The following CLASP2 variants were observed in gnomAD, a reference collection of about 807,000 sequenced individuals.
The protein encoded by CLASP2 is cytoplasmic linker associated protein 2, also known as CLIP-associating protein 2.
Under a neutral mutation model 194.4 loss-of-function variants are expected in CLASP2, and 47 were observed. The ratio of observed to expected loss-of-function variants is 0.24; its 90% CI spans 0.19 to 0.31. CLASP2 has a LOEUF of 0.31. Among genes scored for constraint, CLASP2 ranks in the 10% least tolerant of loss-of-function variants. The pLI is 1.00. For synonymous variants in CLASP2, 619 were observed against 633.5 expected, an observed-to-expected ratio of 0.98 and a Z score of 0.34; for missense variants, 1,445 against 1,823.6, an observed-to-expected ratio of 0.79 and a Z score of 3.78.
chr3:33,607,753 T>C (rs2074218697), intron 14 of CLASP2, among the ~76,000 whole-genome samples: 1 of 152,150 alleles, frequency 6.6e-6, no homozygotes, highest in South Asian at 2.1e-4. Context: ...ATTTTTAATT[T>C]TTAATAAATT....
At chr3:33,695,905 C>T (rs1401596919) in intron 2 of CLASP2, among the ~76,000 whole-genome samples, 1 of 152,162 alleles carries the variant, frequency 6.6e-6, no homozygotes, top group Admixed American at 6.5e-5. Flanking sequence ...ACATGAAGGT[C>T]ATTTGGGTTT....
chr3:33,717,769 G>T, intron 1 of CLASP2, 39 bp downstream of exon 1: 4 of 1,544,094 alleles, frequency 2.6e-6, no homozygotes, highest in Non-Finnish European at 3.5e-6. Flanking sequence ...GGGCTGCCGC[G>T]GAGGGCGTGA....
chr3:33,542,304 T>C (rs2058487040), intron 32 of CLASP2, among the ~76,000 whole-genome samples: 1 of 149,218 alleles, frequency 6.7e-6, no homozygotes, highest in Non-Finnish European at 1.5e-5. Context: ...ACTATTTACT[T>C]ATTATATATG....
At chr3:33,537,846 C>G (rs374323925) in intron 33 of CLASP2, among the ~76,000 whole-genome samples, 1 of 152,064 alleles carries the variant, frequency 6.6e-6, no homozygotes, top group Non-Finnish European at 1.5e-5. Context: ...TGTGTTCTTA[C>G]AAGACTCAAT....
At chr3:33,598,808 C>G (rs1461056582) in intron 18 of CLASP2, among the ~76,000 whole-genome samples, 1 of 152,148 alleles carries the variant, frequency 6.6e-6, no homozygotes, top group African/African-American at 2.4e-5. Flanking sequence ...TCCATAAACT[C>G]AATTGTTAGA....
chr3:33,573,087 C>A, intron 25 of CLASP2, 23 bp downstream of exon 25: 1 of 1,611,480 alleles, frequency 6.2e-7, no homozygotes, highest in East Asian at 2.2e-5. Context: ...ATAGTAAAAT[C>A]ATTTTAAGAC....
intron 1 of CLASP2, among the ~76,000 whole-genome samples, chr3:33,713,862 T>C (rs761888599): frequency 3.9e-5 from 6 of 152,120 alleles, no homozygotes; most frequent in Non-Finnish European, 8.8e-5. Context: ...TACTCTATGG[T>C]TGCAGATGAA....
intron 20 of CLASP2, chr3:33,592,708 A>G: frequency 1.7e-6 from 1 of 604,978 alleles, no homozygotes. Context: ...GGATAAGAAG[A>G]ATCAAACTAA....
chr3:33,509,779 C>A (rs1219347634), intron 37 of CLASP2, among the ~76,000 whole-genome samples: 3 of 152,070 alleles, frequency 2.0e-5, no homozygotes. Context: ...TTATAAAACA[C>A]ATCTCATTTT....
In CLASP2 at chr3:33,675,884, A is replaced by C. The variant is rs2088508473; in HGVS notation, c.644+8475T>G. Among the ~76,000 whole-genome samples the C allele has an allele frequency of 2.0e-5, 3 of 150,006 alleles. 1 individual carries two copies. In the Admixed American group the frequency reaches 2.0e-4, roughly 10 times the overall value. ...AGGAATCCACCTTACAAGGGACGTG[A>C]AGGACCTCTTCAAGGAGAACTACAA... On this transcript the variant is annotated intron_variant, in intron 6 of 38. Coordinates refer to ENST00000682230, the MANE Select transcript of CLASP2 (RefSeq NM_001365631.1).
chr3:33,685,377 G>C (rs2090524520), intron 5 of CLASP2, among the ~76,000 whole-genome samples: 1 of 141,344 alleles, frequency 7.1e-6, no homozygotes, highest in Admixed American at 7.4e-5. Flanking sequence ...AATCCTATCT[G>C]TAGTAAGATT....
intron 32 of CLASP2, 55 bp from the exon 33 acceptor site, chr3:33,538,997 C>T: frequency 8.1e-7 from 1 of 1,236,508 alleles, no homozygotes; most frequent in Middle Eastern, 2.2e-4. Context: ...AATACAAACA[C>T]ATCTGAGGAG....
chr3:33,663,106 G>A (rs566015040), intron 7 of CLASP2, among the ~76,000 whole-genome samples: 2 of 149,304 alleles, frequency 1.3e-5, no homozygotes, highest in South Asian at 4.2e-4. Flanking sequence ...AATTATTCTA[G>A]GTATAAAAAC....
intron 1 of CLASP2, among the ~76,000 whole-genome samples, chr3:33,715,472 C>G (rs2093248341): frequency 1.3e-5 from 2 of 152,154 alleles, no homozygotes; most frequent in African/African-American, 4.8e-5. Context: ...TTATTCCTCT[C>G]CTCCTACTAG....
At chr3:33,558,030 T>A (rs1463731514) in intron 29 of CLASP2, among the ~76,000 whole-genome samples, 1 of 152,160 alleles carries the variant, frequency 6.6e-6, no homozygotes, top group Non-Finnish European at 1.5e-5. Flanking sequence ...CTAGAAATCA[T>A]CCCCCACTCA....
In CLASP2 at chr3:33,506,377, C is replaced by CAAA. The variant is rs2048189726; in HGVS notation, c.4317+4180_4317+4181insTTT. The stretch of plus-strand genomic sequence containing the variant: ...TGGGTGACAGAGTGAGACTCTGTCT[C>CAAA]GAAAAAAAAAAAAAAAAAAAAAAAA... On this transcript the variant is annotated intron_variant, in intron 37 of 38. Transcript: ENST00000682230. Among the ~76,000 whole-genome samples, 108 of 61,872 alleles carry CAAA rather than the reference C, an allele frequency of 1.7e-3. 16 individuals carry two copies. The highest frequency in any genetic ancestry group is 3.0e-3 in the East Asian group (5 of 1,678). 40.6% of individuals were successfully genotyped at this position (61,872 alleles called of 152,430 possible).
intron 34 of CLASP2, among the ~76,000 whole-genome samples, chr3:33,530,458 A>G (rs2055997359): frequency 6.6e-6 from 1 of 152,198 alleles, no homozygotes; most frequent in Non-Finnish European, 1.5e-5. Context: ...TGACAGAGTA[A>G]GACCCTGTCT....
At chr3:33,685,113 G>A (rs2090464505) in intron 5 of CLASP2, among the ~76,000 whole-genome samples, 1 of 151,480 alleles carries the variant, frequency 6.6e-6, no homozygotes, top group Non-Finnish European at 1.5e-5. Context: ...GACCAAGGCT[G>A]GCGGTTCACC....
intron 31 of CLASP2, 146 bp from the exon 32 acceptor site, chr3:33,543,685 T>C: frequency 1.8e-6 from 1 of 565,372 alleles, no homozygotes. Flanking sequence ...TGTACTTACG[T>C]CTGGTTTCCA....
Sources: gnomAD v4.1 joint callset for allele counts (sites outside exome capture counted in the v4.1 genomes callset) on GRCh38, gnomAD v4.1.1 for gene constraint, MANE v1.5 for transcripts, NCBI Gene and HGNC (gene_info 2026-07-23, HGNC 2026-07-21) for gene names.